LPIN2: variants seen among roughly 807,000 people sequenced by gnomAD.
LPIN2 encodes the protein lipin 2, also known as phosphatidate phosphatase LPIN2.
In LPIN2, 55 loss-of-function variants were observed where a neutral mutation model predicts 111.4. That is an observed-to-expected ratio of 0.49 (90% CI 0.40 to 0.62). The LOEUF is 0.62. Among genes scored for constraint, LPIN2 ranks in the 20% least tolerant of loss-of-function variants. The probability of loss-of-function intolerance (pLI) is 0.00; values close to 1 mark genes in which losing one functional copy is unlikely to be tolerated. For missense variants in LPIN2, 992 were observed against 1,112.1 expected (o/e 0.89, Z 1.54); for synonymous variants, 425 against 414.0 (o/e 1.03, Z -0.32).
At chr18:2,948,257 A>G (rs1190734992) in intron 4 of LPIN2, 1 of 152,210 alleles carries the variant, frequency 6.6e-6, no homozygotes, top group African/African-American at 2.4e-5. Context: ...GCAAGGCCCT[A>G]GCTTACGTGT....
At position 2,917,411 on chromosome 18, in the gene LPIN2, C is replaced by A. The variant is rs543703915; in HGVS notation, c.*2882G>T. On this transcript the variant is annotated 3_prime_UTR_variant, in exon 20 of 20. Coordinates refer to ENST00000677752, the MANE Select transcript of LPIN2 (RefSeq NM_001375808.2). ...AACTTGTAAAAAGTGAAAGAGCTGA[C>A]TTCCTTGTTTATTCTTTAAAGGGTT... 6 of 152,318 alleles carry A rather than the reference C, an allele frequency of 3.9e-5. No homozygotes were observed. The highest frequency in any genetic ancestry group is 1.4e-4 in the African/African-American group (6 of 41,572). 9.4% of individuals were successfully genotyped at this position (152,318 alleles called of 1,614,324 possible). A position where few individuals can be genotyped will look rare whatever the true frequency, so the allele number is the denominator to read the frequency against.
intron 1 of LPIN2, among the ~76,000 whole-genome samples, chr18:2,971,171 T>C (rs967295030): frequency 2.0e-5 from 3 of 152,214 alleles, no homozygotes; most frequent in East Asian, 1.9e-4. Flanking sequence ...AATAATTTTC[T>C]GGACAATTCT....
In LPIN2 at chr18:2,950,924, C is replaced by T. The variant is rs2077525411; in HGVS notation, c.590+131G>A. On this transcript the variant is annotated intron_variant, in intron 4 of 19. Transcript: ENST00000677752. Reference sequence around the variant, plus strand: ...AAGAAACTGCCTTTGCTGCTTGATTCCACAATAAACTGTAAAGGGGGAAAA... The same window carrying T: ...AAGAAACTGCCTTTGCTGCTTGATTTCACAATAAACTGTAAAGGGGGAAAA... 1.1e-5 allele frequency: 10 copies of T among 934,148 alleles called. No individual in the cohort carries two copies. The South Asian group carries it at 1.2e-4, about 11-fold the overall frequency. The allele number at this position is 934,148 out of a possible 1,614,324, so 57.9% of individuals were successfully genotyped here.
intron 1 of LPIN2, among the ~76,000 whole-genome samples, chr18:2,968,477 T>C (rs2077844696): frequency 6.6e-6 from 1 of 152,168 alleles, no homozygotes; most frequent in Admixed American, 6.5e-5. Context: ...TCAGAGGACC[T>C]TGGTTCTTGA....
At chr18:2,978,789 A>G (rs960919825) in intron 1 of LPIN2, among the ~76,000 whole-genome samples, 3 of 152,198 alleles carry the variant, frequency 2.0e-5, no homozygotes, top group African/African-American at 7.2e-5. Context: ...GATGAGTCAG[A>G]TGTGGGCATC....
Position 2,924,419 on chromosome 18 carries a change from T to C in LPIN2, c.2066A>G (p.Asp689Gly). 1 of 1,614,196 alleles carries C rather than the reference T, an allele frequency of 6.2e-7. No homozygotes were observed. Among genetic ancestry groups the C allele is most frequent in the Non-Finnish European group, 8.5e-7 (1 of 1,180,032 alleles). The change falls in exon 15 of 20, where the codon GAT becomes GGT. Residue 689 changes from aspartate to glycine, a missense_variant. Transcript: ENST00000677752. The part of the protein sequence containing the change: ...WNWNDKIIIS[D>G]IDGTITKSDA... ...TTACTTGGTTATTGTCCCATCAATA[T>C]CAGAAATGATGATCTTGTCATTCCA...
chr18:2,932,371 A>G (rs759000780), intron 8 of LPIN2, among the ~76,000 whole-genome samples: 1 of 152,220 alleles, frequency 6.6e-6, no homozygotes, highest in Non-Finnish European at 1.5e-5. Flanking sequence ...CTCATCTTTG[A>G]GCAGTAGGTG....
At chr18:2,963,174 T>A (rs2077738624) in intron 1 of LPIN2, among the ~76,000 whole-genome samples, 1 of 152,182 alleles carries the variant, frequency 6.6e-6, no homozygotes, top group African/African-American at 2.4e-5. Context: ...TAGCTTAACA[T>A]GCTACACCCT....
chr18:2,924,367 C>T, intron 15 of LPIN2, 31 bp downstream of exon 15: 1 of 1,613,928 alleles, frequency 6.2e-7, no homozygotes, highest in Non-Finnish European at 8.5e-7. Flanking sequence ...CGGGGCTGTT[C>T]CTTGCCACCC....
At chr18:2,943,193 A>G (rs2077389902) in intron 4 of LPIN2, among the ~76,000 whole-genome samples, 1 of 111,068 alleles carries the variant, frequency 9.0e-6, no homozygotes, top group Non-Finnish European at 2.1e-5. Context: ...ATTATACCTC[A>G]GTTTTTTTTC....
At chr18:2,923,940 T>C (rs1314269206) in intron 15 of LPIN2, 79 bp from the exon 16 acceptor site, 3 of 1,101,836 alleles carry the variant, frequency 2.7e-6, no homozygotes, top group African/African-American at 3.1e-5. Flanking sequence ...GACTATCAGC[T>C]GCCAATAACT....
chr18:2,982,601 G>T, intron 1 of LPIN2: 1 of 613,194 alleles, frequency 1.6e-6, no homozygotes, highest in Non-Finnish European at 2.6e-6. Flanking sequence ...CCATCCCCTT[G>T]TCTCTCAGTA....
chr18:2,943,682 A>G (rs1395226357), intron 4 of LPIN2, among the ~76,000 whole-genome samples: 1 of 152,176 alleles, frequency 6.6e-6, no homozygotes, highest in Admixed American at 6.5e-5. Context: ...TGGTTCCTAA[A>G]TCATGGAATA....
At chr18:2,972,172 C>T (rs764166282) in intron 1 of LPIN2, among the ~76,000 whole-genome samples, 2 of 152,174 alleles carry the variant, frequency 1.3e-5, no homozygotes, top group Non-Finnish European at 2.9e-5. Context: ...TGCTGAAGAC[C>T]TCACAGAGAA....
chr18:2,920,783 C>A lies in LPIN2; in HGVS notation c.2541G>T (p.Lys847Asn). ...AGAGCTGAGAATGTACTTACGATGA[C>A]TTGTTTCCTTTGGTTCTTTCTTGTA... Reference protein sequence around the residue: ...ELIQERTKGNKSSYHRLSELV... With the variant: ...ELIQERTKGNNSSYHRLSELV... The change falls in exon 19 of 20, where the codon AAG (lysine) becomes AAT (asparagine). Residue 847 changes from lysine to asparagine, a missense_variant. Coordinates refer to ENST00000677752, the MANE Select transcript of LPIN2 (RefSeq NM_001375808.2). 2 of 1,613,506 alleles carry A rather than the reference C, an allele frequency of 1.2e-6. No homozygotes were observed. Among genetic ancestry groups the A allele is most frequent in the Non-Finnish European group, 1.7e-6 (2 of 1,179,400 alleles).
intron 1 of LPIN2, among the ~76,000 whole-genome samples, chr18:2,999,759 G>C (rs773244148): frequency 5.9e-5 from 9 of 152,116 alleles, no homozygotes; most frequent in Middle Eastern, 3.2e-3. Context: ...AGGAGAGGAC[G>C]CTAATAAAAA....
At chr18:2,931,230 AG>A (rs1315786562) in intron 9 of LPIN2, 25 bp downstream of exon 9, 1 of 1,611,876 alleles carries the variant, frequency 6.2e-7, no homozygotes, top group Admixed American at 1.7e-5. Context: ...TCTGAAATGA[AG>A]ATGGGGCACA....
chr18:2,946,520 T>C (rs1464299041), intron 4 of LPIN2: 7 of 1,563,930 alleles, frequency 4.5e-6, no homozygotes, highest in African/African-American at 1.4e-5. Context: ...GCTCCGGTTG[T>C]AGCACAGCAA....
chr18:2,928,821 C>T (rs1432669947), intron 10 of LPIN2, among the ~76,000 whole-genome samples, 161 bp from the exon 11 acceptor site: 1 of 152,160 alleles, frequency 6.6e-6, no homozygotes, highest in Non-Finnish European at 1.5e-5. Flanking sequence ...GAATAACCTT[C>T]GCTTCAAGCA....
Sources: gnomAD v4.1 joint callset for allele counts (sites outside exome capture counted in the v4.1 genomes callset) on GRCh38, gnomAD v4.1.1 for gene constraint, MANE v1.5 for transcripts, NCBI Gene and HGNC (gene_info 2026-07-23, HGNC 2026-07-21) for gene names.